The following NALCN variants were observed in gnomAD, a reference collection of about 807,000 sequenced individuals.
NALCN encodes sodium leak channel NALCN.
NALCN carries 111 observed loss-of-function variants against 225.3 expected under a neutral mutation model. That is an observed-to-expected ratio of 0.49 (90% CI 0.42 to 0.58). NALCN has a LOEUF of 0.58. NALCN is among the 20% of genes least tolerant of loss of function. The pLI is 0.00. For missense variants in NALCN, 1,378 were observed against 2,202.4 expected (o/e 0.63, Z 7.49); for synonymous variants, 764 against 769.0 (o/e 0.99, Z 0.11).
At chr13:101,255,879 C>T (rs2042214014) in intron 11 of NALCN, among the ~76,000 whole-genome samples, 1 of 152,264 alleles carries the variant, frequency 6.6e-6, no homozygotes, top group East Asian at 1.9e-4. Context: ...CTTGATACTC[C>T]TTTGCAACGT....
intron 11 of NALCN, among the ~76,000 whole-genome samples, chr13:101,253,908 T>C (rs2042135215): frequency 6.6e-6 from 1 of 152,208 alleles, no homozygotes; most frequent in African/African-American, 2.4e-5. Context: ...GACATCTTTA[T>C]AAACTTTATA....
At chr13:101,155,689 A>T (rs2037868720) in intron 15 of NALCN, among the ~76,000 whole-genome samples, 1 of 152,172 alleles carries the variant, frequency 6.6e-6, no homozygotes, top group Non-Finnish European at 1.5e-5. Context: ...TCCAACTGAC[A>T]CTTAGAAGAA....
At chr13:101,282,078 A>G (rs1430892939) in intron 10 of NALCN, among the ~76,000 whole-genome samples, 5 of 152,330 alleles carry the variant, frequency 3.3e-5, no homozygotes, top group Non-Finnish European at 7.4e-5. Context: ...TGGTAGAGCC[A>G]TTCTGAAACG....
At chr13:101,062,392 C>T (rs188699334) in intron 40 of NALCN, among the ~76,000 whole-genome samples, 2 of 152,106 alleles carry the variant, frequency 1.3e-5, no homozygotes, top group South Asian at 2.1e-4. Flanking sequence ...TAGTAAGTGC[C>T]ATCTAAGTGC....
chr13:101,283,905 G>A lies in NALCN; in HGVS notation c.1134+28C>T, dbSNP rs776340971. 3.4e-5 allele frequency: 53 copies of A among 1,566,718 alleles called. 2 individuals are homozygous for A. In the South Asian group the frequency reaches 4.4e-4, roughly 13 times the overall value. On this transcript the variant is annotated intron_variant, in intron 10 of 43. Transcript: ENST00000251127. ...TAAAATTCAAAGACCTTTGCTGGGC[G>A]ATTTTTAAAAATGTCATTGTACTGC...
At chr13:101,152,365 G>T (rs1392221200) in intron 15 of NALCN, among the ~76,000 whole-genome samples, 1 of 152,164 alleles carries the variant, frequency 6.6e-6, no homozygotes, top group Admixed American at 6.5e-5. Context: ...TGGCTGTTTT[G>T]TGTTTGTTGG....
In NALCN at chr13:101,376,914, C is replaced by T; in HGVS notation, c.515+3G>A. ...TCTTAACTTATTGTAAAGCAGCGCTCACTTTAAAATATTTGTAATTCTGGT... is the reference window on the plus strand; with the variant it reads ...TCTTAACTTATTGTAAAGCAGCGCTTACTTTAAAATATTTGTAATTCTGGT... On this transcript the variant is annotated splice_donor_region_variant and intron_variant, in intron 5 of 43. Transcript: ENST00000251127. 2 of 1,614,126 alleles carry T rather than the reference C, an allele frequency of 1.2e-6. No individual in the cohort carries two copies. The highest frequency in any genetic ancestry group is 1.7e-6 in the Non-Finnish European group (2 of 1,180,018).
At chr13:101,386,013 T>C (rs1320016978) in intron 3 of NALCN, among the ~76,000 whole-genome samples, 1 of 152,182 alleles carries the variant, frequency 6.6e-6, no homozygotes, top group Non-Finnish European at 1.5e-5. Flanking sequence ...CAATAAAATA[T>C]GGTGGATGGT....
chr13:101,181,120 A>G (rs774324410), intron 14 of NALCN: 1 of 518,870 alleles, frequency 1.9e-6, no homozygotes, highest in Non-Finnish European at 3.8e-6. Context: ...AGACAATGAC[A>G]GAGAGCCAAG....
chr13:101,187,833 A>C (rs906227780), intron 14 of NALCN, among the ~76,000 whole-genome samples: 24 of 152,186 alleles, frequency 1.6e-4, no homozygotes, highest in African/African-American at 5.8e-4. Context: ...TGTTTTCTTA[A>C]AGGTCCAGAC....
At chr13:101,148,851 T>C (rs1051528071) in intron 15 of NALCN, among the ~76,000 whole-genome samples, 1 of 152,212 alleles carries the variant, frequency 6.6e-6, no homozygotes, top group African/African-American at 2.4e-5. Flanking sequence ...GCATAAAATA[T>C]CTATTGATTG....
intron 13 of NALCN, among the ~76,000 whole-genome samples, chr13:101,193,192 T>C (rs928677076): frequency 9.2e-5 from 14 of 151,782 alleles, no homozygotes; most frequent in South Asian, 4.2e-4. Context: ...CTGGCACTAA[T>C]AGAAGTAGCA....
intron 14 of NALCN, among the ~76,000 whole-genome samples, chr13:101,179,370 G>A (rs901324430): frequency 3.3e-5 from 5 of 152,074 alleles, no homozygotes; most frequent in Admixed American, 2.6e-4. Context: ...GCTATACAAT[G>A]TCTGAAAATA....
chr13:101,339,581 T>C (rs1297256648), intron 7 of NALCN, among the ~76,000 whole-genome samples: 1 of 152,166 alleles, frequency 6.6e-6, no homozygotes, highest in Admixed American at 6.5e-5. Flanking sequence ...CTGGAGCCCC[T>C]GCACATCACA....
chr13:101,171,162 G>T (rs1190314128), intron 15 of NALCN, among the ~76,000 whole-genome samples: 2 of 151,516 alleles, frequency 1.3e-5, no homozygotes, highest in Non-Finnish European at 1.5e-5. Flanking sequence ...TAAATGTCAT[G>T]CAGAAACAAT....
At chr13:101,396,907 A>C (rs76987305) in intron 2 of NALCN, among the ~76,000 whole-genome samples, 3,193 of 151,564 alleles carry the variant, frequency 0.021, 114 homozygotes, top group African/African-American at 0.073. Context: ...GACACTAAGA[A>C]AAAGTTAGGG....
intron 9 of NALCN, among the ~76,000 whole-genome samples, chr13:101,287,085 A>G (rs987507039): frequency 3.3e-5 from 5 of 152,224 alleles, no homozygotes; most frequent in Non-Finnish European, 7.3e-5. Context: ...ATAATGCCTC[A>G]TAAACATCCT....
At chr13:101,072,136 GATA>G (rs2032935276) in intron 37 of NALCN, among the ~76,000 whole-genome samples, 2 of 152,188 alleles carry the variant, frequency 1.3e-5, no homozygotes, top group East Asian at 3.9e-4. Flanking sequence ...CACCAAAACA[GATA>G]ATAATGAAAA....
In NALCN at chr13:101,377,060, C is replaced by T. The variant is rs758925476; in HGVS notation, c.376-4G>A. On this transcript the variant is annotated splice_polypyrimidine_tract_variant and splice_region_variant and intron_variant, in intron 4 of 43. Coordinates refer to ENST00000251127, the MANE Select transcript of NALCN (RefSeq NM_052867.4). Reference sequence around the variant, plus strand: ...CTATATCAGCAATTTCAAACACCTACAAATTAAAAGATGGGTAAATGAGGT... The same window carrying T: ...CTATATCAGCAATTTCAAACACCTATAAATTAAAAGATGGGTAAATGAGGT... 2.5e-6 allele frequency: 4 copies of T among 1,613,924 alleles called. No homozygotes were observed. In the South Asian group the frequency reaches 3.3e-5, roughly 13 times the overall value.
Sources: gnomAD v4.1 joint callset for allele counts (sites outside exome capture counted in the v4.1 genomes callset) on GRCh38, gnomAD v4.1.1 for gene constraint, MANE v1.5 for transcripts, NCBI Gene and HGNC (gene_info 2026-07-23, HGNC 2026-07-21) for gene names.